ATP23: variants seen among roughly 807,000 people sequenced by gnomAD.
ATP23 encodes ATP23 metallopeptidase and ATP synthase assembly factor homolog.
In ATP23, 24 loss-of-function variants were observed where a neutral mutation model predicts 28.5. The ratio of observed to expected loss-of-function variants is 0.84; its 90% CI spans 0.61 to 1.18. The LOEUF (loss-of-function observed/expected upper bound fraction) is 1.18. ATP23 is among the 50% of genes most tolerant of loss of function. The pLI, the probability that ATP23 is intolerant of heterozygous loss-of-function variation, is 0.00. For synonymous variants in ATP23, 99 were observed against 108.6 expected (o/e 0.91, Z 0.55); for missense variants, 274 against 306.4 (o/e 0.89, Z 0.79).
At chr12:57,945,571 G>C in intron 1 of ATP23, 57 bp from the exon 2 acceptor site, 3 of 1,413,198 alleles carry the variant, frequency 2.1e-6, no homozygotes, top group Non-Finnish European at 3.0e-6. Context: ...CTGCTATTTG[G>C]GTAGTTTAAT....
chr12:57,946,748 G>A (rs1157669415), intron 2 of ATP23, among the ~76,000 whole-genome samples: 2 of 152,038 alleles, frequency 1.3e-5, no homozygotes, highest in East Asian at 1.9e-4. Flanking sequence ...GAGCCACCGC[G>A]CCTGGGGGAC....
At chr12:57,944,314 T>C (rs1956738834) in intron 1 of ATP23, among the ~76,000 whole-genome samples, 1 of 152,248 alleles carries the variant, frequency 6.6e-6, no homozygotes, top group African/African-American at 2.4e-5. Flanking sequence ...CTTCAACATT[T>C]TTTTTAAACC....
At chr12:57,944,465 A>G (rs1031232204) in intron 1 of ATP23, among the ~76,000 whole-genome samples, 1 of 152,186 alleles carries the variant, frequency 6.6e-6, no homozygotes, top group African/African-American at 2.4e-5. Flanking sequence ...ACGGGCCCAT[A>G]GAGTCTTAGA....
At chr12:57,953,324 A>T (rs543830643) in intron 4 of ATP23, among the ~76,000 whole-genome samples, 2 of 152,322 alleles carry the variant, frequency 1.3e-5, no homozygotes, top group East Asian at 3.9e-4. Flanking sequence ...TAGTTCTGTC[A>T]GTAAAGCTAC....
intron 3 of ATP23, among the ~76,000 whole-genome samples, chr12:57,947,755 C>T (rs1284507398): frequency 1.3e-5 from 2 of 152,036 alleles, no homozygotes; most frequent in Admixed American, 6.6e-5. Flanking sequence ...GTGCCTGGCC[C>T]ATAGTAAGCA....
chr12:57,949,234 A>G (rs917299547), intron 3 of ATP23, among the ~76,000 whole-genome samples: 1 of 152,192 alleles, frequency 6.6e-6, no homozygotes, highest in Non-Finnish European at 1.5e-5. Context: ...GTTAATGCCA[A>G]ACACTTTCTT....
chr12:57,951,591 T>G (rs1332812032), intron 3 of ATP23, among the ~76,000 whole-genome samples, 167 bp from the exon 4 acceptor site: 2 of 152,192 alleles, frequency 1.3e-5, no homozygotes, highest in Non-Finnish European at 2.9e-5. Context: ...CACTTAGGAC[T>G]AGGACTTGTC....
In ATP23 at chr12:57,953,605, G is replaced by A. The variant is rs1956835763; in HGVS notation, c.454-1G>A. The A allele has an allele frequency of 6.2e-7, 1 of 1,613,676 alleles. No individual in the cohort carries two copies. Among genetic ancestry groups the A allele is most frequent in the East Asian group, 2.2e-5 (1 of 44,866 alleles). ...CTTTTTATTTGTCTTCTGTGTGATA[G>A]GTTCGAGCTGCTAACCTTAGTGGAG... On this transcript the variant is annotated splice_acceptor_variant, in intron 4 of 5. Transcript: ENST00000300145. LOFTEE classifies it high-confidence loss of function.
At position 57,942,749 on chromosome 12, in the gene ATP23, G is replaced by T. The variant is rs1314429442; in HGVS notation, c.187+861G>T. Reference sequence around the variant, plus strand: ...AAAGTGTATTTTTTTTTGGTCGGGGGAGAGAGTTAATAGCTTCATCATATT... The same window carrying T: ...AAAGTGTATTTTTTTTTGGTCGGGGTAGAGAGTTAATAGCTTCATCATATT... On this transcript the variant is annotated intron_variant, in intron 1 of 5. Transcript: ENST00000300145. Among the ~76,000 whole-genome samples the T allele has an allele frequency of 2.6e-5, 4 of 152,010 alleles. No homozygotes were observed. In the East Asian group the frequency reaches 7.7e-4, roughly 29 times the overall value.
At chr12:57,955,173 T>TAA (rs551334477) in intron 5 of ATP23, among the ~76,000 whole-genome samples, 1 of 145,300 alleles carries the variant, frequency 6.9e-6, no homozygotes, top group Non-Finnish European at 1.5e-5. Context: ...AAAAATTCCT[T>TAA]AAAAAAAAAA....
chr12:57,942,024 C>A, intron 1 of ATP23, 136 bp downstream of exon 1: 3 of 1,097,116 alleles, frequency 2.7e-6, no homozygotes, highest in Non-Finnish European at 3.7e-6. Context: ...ATCATGGGGG[C>A]TGGGTTGGGA....
Position 57,957,710 on chromosome 12 carries a change from GA to G in ATP23, c.*821del. On this transcript the variant is annotated 3_prime_UTR_variant, in exon 6 of 6. Coordinates refer to ENST00000300145, the MANE Select transcript of ATP23 (RefSeq NM_033276.4). ...GAGAGCCGAGCGAAATACAGGGGTA[GA>G]GCAAGCAGCAGGAAGGCCCAGGGAG... Among the ~76,000 whole-genome samples the G allele has an allele frequency of 1.3e-5, 2 of 152,312 alleles. No individual in the cohort carries two copies. The highest frequency in any genetic ancestry group is 3.9e-4 in the East Asian group (2 of 5,180).
chr12:57,948,781 CTT>C (rs1350982481), intron 3 of ATP23, among the ~76,000 whole-genome samples: 1 of 152,102 alleles, frequency 6.6e-6, no homozygotes, highest in African/African-American at 2.4e-5. Flanking sequence ...CTTATCCTGA[CTT>C]TTGTGGTAAC....
intron 1 of ATP23, among the ~76,000 whole-genome samples, chr12:57,942,110 TTGTC>T (rs1274993403): frequency 2.6e-5 from 4 of 152,284 alleles, no homozygotes; most frequent in East Asian, 1.9e-4. Flanking sequence ...TGGAATGAAT[TTGTC>T]TGCCCTTTTT....
At chr12:57,952,188 A>G (rs936874175) in intron 4 of ATP23, among the ~76,000 whole-genome samples, 4 of 152,170 alleles carry the variant, frequency 2.6e-5, no homozygotes, top group Non-Finnish European at 5.9e-5. Flanking sequence ...CATAGGAGAC[A>G]TTAATAATAA....
intron 3 of ATP23, among the ~76,000 whole-genome samples, chr12:57,949,584 C>G (rs1337814357): frequency 1.3e-5 from 2 of 152,042 alleles, no homozygotes; most frequent in Admixed American, 6.6e-5. Flanking sequence ...GCCTTGAACT[C>G]CTGGGCTCAA....
At chr12:57,950,532 T>C (rs1956805398) in intron 3 of ATP23, among the ~76,000 whole-genome samples, 3 of 151,214 alleles carry the variant, frequency 2.0e-5, no homozygotes, top group South Asian at 4.2e-4. Flanking sequence ...CTTTTTCTTT[T>C]TTTTTTTTTT....
intron 3 of ATP23, among the ~76,000 whole-genome samples, chr12:57,947,328 A>T (rs1956772083): frequency 6.6e-6 from 1 of 152,190 alleles, no homozygotes; most frequent in South Asian, 2.1e-4. Context: ...GGGCTTGGTT[A>T]CCACAATGGA....
chr12:57,953,055 A>T (rs139756102), intron 4 of ATP23, among the ~76,000 whole-genome samples: 136 of 152,324 alleles, frequency 8.9e-4, no homozygotes, highest in African/African-American at 3.2e-3. Flanking sequence ...TAGGACAATC[A>T]AGTCCCTAGA....
Sources: gnomAD v4.1 joint callset for allele counts (sites outside exome capture counted in the v4.1 genomes callset) on GRCh38, gnomAD v4.1.1 for gene constraint, MANE v1.5 for transcripts, NCBI Gene and HGNC (gene_info 2026-07-23, HGNC 2026-07-21) for gene names.